The following PLXNA1 variants were observed in gnomAD, a reference collection of about 807,000 sequenced individuals.
The protein encoded by PLXNA1 is plexin-A1.
PLXNA1 carries 77 observed loss-of-function variants against 191.7 expected under a neutral mutation model. The ratio of observed to expected loss-of-function variants is 0.40; its 90% CI spans 0.33 to 0.49. The LOEUF (loss-of-function observed/expected upper bound fraction) is 0.49. Among genes scored for constraint, PLXNA1 ranks in the 20% least tolerant of loss-of-function variants. The pLI, the probability that PLXNA1 is intolerant of heterozygous loss-of-function variation, is 0.63. For synonymous variants in PLXNA1, 1,137 were observed against 1,156.4 expected (o/e 0.98, Z 0.34); for missense variants, 2,110 against 2,660.2 (o/e 0.79, Z 4.55).
At chr3:127,005,315 T>C (rs1408437597) in intron 7 of PLXNA1, 72 bp downstream of exon 7, 1 of 1,507,734 alleles carries the variant, frequency 6.6e-7, no homozygotes, top group African/African-American at 1.4e-5. Context: ...GCCGCCTGTT[T>C]AGCGCCTCCC....
chr3:127,026,165 G>A (rs948851146), intron 23 of PLXNA1, among the ~76,000 whole-genome samples: 1 of 152,210 alleles, frequency 6.6e-6, no homozygotes, highest in African/African-American at 2.4e-5. Context: ...GACAAGAAAA[G>A]GACTGGGCCT....
At chr3:127,033,872 T>G (rs2079224952) in intron 31 of PLXNA1, 50 bp from the exon 32 acceptor site, 2 of 1,487,984 alleles carry the variant, frequency 1.3e-6, no homozygotes. Flanking sequence ...GCCTGCTGAG[T>G]GCATGGAGGC....
intron 1 of PLXNA1, among the ~76,000 whole-genome samples, chr3:126,987,216 G>A (rs537044590): frequency 6.6e-6 from 1 of 152,350 alleles, no homozygotes; most frequent in South Asian, 2.1e-4. Context: ...CCCCATCAGA[G>A]TCATCTGCCT....
chr3:127,004,690 G>A lies in PLXNA1; in HGVS notation c.1598G>A (p.Gly533Asp). The A allele has an allele frequency of 6.3e-7, 1 of 1,589,968 alleles. No individual in the cohort carries two copies. The highest frequency in any genetic ancestry group is 8.6e-7 in the Non-Finnish European group (1 of 1,168,964). ...CTGGGGTCACGGGACCCCCACTGTG[G>A]CTGGTGTGTCCTGCACAGCATGTGA... ...LCLGSRDPHC[G>D]WCVLHSICSR... The change falls in exon 5 of 32, where the codon GGC becomes GAC. Residue 533 changes from glycine (G) to aspartate (D), a missense_variant. This residue lies in a region of PLXNA1 where 903 missense variants were observed against 1,015.7 expected (regional missense o/e 0.89). Coordinates refer to ENST00000393409, the MANE Select transcript of PLXNA1 (RefSeq NM_032242.4).
chr3:127,016,525 C>T lies in PLXNA1; in HGVS notation c.3023C>T (p.Ser1008Phe). The T allele has an allele frequency of 6.2e-7, 1 of 1,613,708 alleles. No homozygotes were observed. The highest frequency in any genetic ancestry group is 8.5e-7 in the Non-Finnish European group (1 of 1,179,928). The change falls in exon 16 of 32, where the codon TCC becomes TTC. Residue 1008 changes from serine (S) to phenylalanine (F), a missense_variant. By Grantham distance (155) the Ser-to-Phe change is radical. Transcript: ENST00000393409. The part of the protein sequence containing the change: ...GRPCSFSWRN[S>F]REIRCLTPPG... ...CACTCGGGCACCTCCAGGAGGAACT[C>T]CCGTGAGATCCGGTGCCTGACACCC... is the stretch of plus-strand genomic sequence containing the variant.
At chr3:127,024,813 T>C (rs1452448247) in intron 23 of PLXNA1, among the ~76,000 whole-genome samples, 1 of 152,186 alleles carries the variant, frequency 6.6e-6, no homozygotes, top group Admixed American at 6.5e-5. Flanking sequence ...GGGACTGAGA[T>C]GGGCCTAGGG....
At position 127,032,776 on chromosome 3, in the gene PLXNA1, G is replaced by A; in HGVS notation, c.5535G>A (p.Gln1845=). ...LAEQSRLHLS[Q]FNSMSALHEI... ...AGCAGTCCCGCCTGCACCTGAGCCA[G>A]TTCAACAGCATGAGCGCCTTGCACG... is the stretch of plus-strand genomic sequence containing the variant. The change falls in exon 31 of 32, where the codon CAG becomes CAA. Residue 1845 remains glutamine (Q), a synonymous_variant. Transcript: ENST00000393409. 1.9e-6 allele frequency: 3 copies of A among 1,613,080 alleles called. No homozygotes were observed. The highest frequency in any genetic ancestry group is 2.2e-5 in the East Asian group (1 of 44,850).
chr3:127,029,563 G>A lies in PLXNA1; in HGVS notation c.4870+27G>A, dbSNP rs373733703. The A allele has an allele frequency of 1.9e-6, 3 of 1,602,798 alleles. No homozygotes were observed. The Admixed American group carries it at 5.0e-5, about 27-fold the overall frequency. The stretch of plus-strand genomic sequence containing the variant: ...TGAGGGGCCAGGCAGCGGGCGAGAG[G>A]GCAGCGCATGGGTCCCTGGCCTGGG... On this transcript the variant is annotated intron_variant, in intron 27 of 31. Transcript: ENST00000393409.
intron 3 of PLXNA1, among the ~76,000 whole-genome samples, chr3:127,003,105 A>G (rs1322021608): frequency 6.7e-6 from 1 of 150,202 alleles, no homozygotes; most frequent in Non-Finnish European, 1.5e-5. Flanking sequence ...GCTGAATCAC[A>G]GACTGGCCTG....
intron 4 of PLXNA1, among the ~76,000 whole-genome samples, 177 bp downstream of exon 4, chr3:127,003,647 G>A (rs2079052054): frequency 6.6e-6 from 1 of 152,210 alleles, no homozygotes; most frequent in Non-Finnish European, 1.5e-5. Context: ...GGGCTCGGCT[G>A]GGTCTGCAGG....
In PLXNA1 at chr3:126,989,361, C is replaced by T. The variant is rs1312622362; in HGVS notation, c.768C>T (p.Val256=). Residue 256 remains valine (V), a synonymous_variant, in exon 2 of 32, where the codon GTC becomes GTT. Coordinates refer to ENST00000393409, the MANE Select transcript of PLXNA1 (RefSeq NM_032242.4). ...YVYSFRSEQF[V]YYLTLQLDTQ... is the part of the protein sequence containing the mutation. Reference sequence around the variant, plus strand: ...ACAGCTTCCGCAGCGAGCAGTTTGTCTACTACCTCACGCTGCAGCTAGACA... The same window carrying T: ...ACAGCTTCCGCAGCGAGCAGTTTGTTTACTACCTCACGCTGCAGCTAGACA... The T allele has an allele frequency of 1.9e-6, 3 of 1,613,538 alleles. No homozygotes were observed. The highest frequency in any genetic ancestry group is 2.7e-5 in the African/African-American group (2 of 74,958).
Position 127,022,183 on chromosome 3 carries a change from C to T in PLXNA1, c.4137C>T (p.Arg1379=), listed in dbSNP as rs1323233177. 4 of 1,613,434 alleles carry T rather than the reference C, an allele frequency of 2.5e-6. No individual in the cohort carries two copies. The highest frequency in any genetic ancestry group is 1.3e-5 in the African/African-American group (1 of 75,068). The change falls in exon 22 of 32, where the codon CGC becomes CGT. Residue 1379 remains arginine (R), a synonymous_variant. Transcript: ENST00000393409. ...LTFIRTLEAQ[R]SFSMRDRGNV... ...TCATCCGCACGCTGGAGGCACAGCG[C>T]AGCTTCTCCATGCGCGACCGCGGGA...
chr3:127,018,834 C>T (rs2107633961), intron 20 of PLXNA1, among the ~76,000 whole-genome samples: 1 of 152,326 alleles, frequency 6.6e-6, no homozygotes, highest in Non-Finnish European at 1.5e-5. Flanking sequence ...TTCTGTGGCT[C>T]AGTCTTGTCG....
chr3:126,996,428 A>C (rs1455092687), intron 3 of PLXNA1, among the ~76,000 whole-genome samples: 1 of 152,026 alleles, frequency 6.6e-6, no homozygotes, highest in Non-Finnish European at 1.5e-5. Flanking sequence ...TAAGTTCTGG[A>C]AGTTGAGTGG....
Position 126,991,375 on chromosome 3 carries a change from T to C in PLXNA1, c.1195-9T>C. ...CGGGGAGTGGCTCTCACCCTGCCCC[T>C]TCCCACAGCCCCTGCAGATCGATGA... On this transcript the variant is annotated splice_polypyrimidine_tract_variant and intron_variant, in intron 2 of 31. Coordinates refer to ENST00000393409, the MANE Select transcript of PLXNA1 (RefSeq NM_032242.4). 6.2e-7 allele frequency: 1 copy of C among 1,612,074 alleles called. No individual in the cohort carries two copies. Among genetic ancestry groups the C allele is most frequent in the Non-Finnish European group, 8.5e-7 (1 of 1,179,578 alleles).
rs767883494 is a variant in PLXNA1 at position 127,018,439 on chromosome 3, G to A, written c.3806G>A (p.Arg1269His). The change falls in exon 20 of 32, where the codon CGC (arginine) becomes CAC (histidine). Residue 1269 changes from arginine (R) to histidine (H), a missense_variant. Physicochemically the swap from Arg to His is conservative, Grantham distance 29. Coordinates refer to ENST00000393409, the MANE Select transcript of PLXNA1 (RefSeq NM_032242.4). ...GTGGCTGTGCTCATCGCCTACAAGCGCAAGTCACGAGATGCTGACCGCACA... is the reference window on the plus strand; with the variant it reads ...GTGGCTGTGCTCATCGCCTACAAGCACAAGTCACGAGATGCTGACCGCACA... Reference protein sequence around the residue: ...VIVAVLIAYKRKSRDADRTLK... With the variant: ...VIVAVLIAYKHKSRDADRTLK... 11 of 1,613,026 alleles carry A rather than the reference G, an allele frequency of 6.8e-6. No homozygotes were observed. The highest frequency in any genetic ancestry group is 1.3e-5 in the African/African-American group (1 of 75,058).
At chr3:126,983,885 G>A (rs1284916380) in intron 1 of PLXNA1, among the ~76,000 whole-genome samples, 1 of 152,176 alleles carries the variant, frequency 6.6e-6, no homozygotes, top group Non-Finnish European at 1.5e-5. Flanking sequence ...GCCGGCCCTG[G>A]GGCGCGGGGT....
Position 127,000,322 on chromosome 3 carries a change from G to A in PLXNA1, c.1378-3008G>A, listed in dbSNP as rs6780474. On this transcript the variant is annotated intron_variant, in intron 3 of 31. Coordinates refer to ENST00000393409, the MANE Select transcript of PLXNA1 (RefSeq NM_032242.4). Reference sequence around the variant, plus strand: ...TCTCATTTGCTCTGCCAGCTGCCCAGCTGCTGTGGGAGGGGCTTCTGGGCC... The same window carrying A: ...TCTCATTTGCTCTGCCAGCTGCCCAACTGCTGTGGGAGGGGCTTCTGGGCC... 6.3e-3 allele frequency among the ~76,000 whole-genome samples: 964 copies of A among 152,292 alleles called. 9 individuals carry two copies. Among genetic ancestry groups the A allele is most frequent in the African/African-American group, 0.022 (905 of 41,566 alleles).
At chr3:126,993,242 G>A (rs1477925858) in intron 3 of PLXNA1, among the ~76,000 whole-genome samples, 1 of 152,206 alleles carries the variant, frequency 6.6e-6, no homozygotes, top group African/African-American at 2.4e-5. Context: ...AGTTGGGCTT[G>A]GGCCCATCTA....
Sources: allele counts gnomAD v4.1 joint callset (sites outside exome capture counted in the v4.1 genomes callset), GRCh38; gene constraint gnomAD v4.1.1; regional missense constraint gnomAD v4.1.1; transcripts MANE v1.5; gene names NCBI Gene and HGNC (gene_info 2026-07-23, HGNC 2026-07-21).